The following EXOC6B variants were observed in gnomAD, a reference collection of about 807,000 sequenced individuals.
EXOC6B encodes exocyst complex component 6B.
A neutral mutation model predicts 113.5 loss-of-function variants in EXOC6B; 54 were observed. The observed-to-expected ratio is 0.48, with a 90% CI of 0.38 to 0.60. The LOEUF is 0.60. Ranked by LOEUF, EXOC6B falls within the 20% of genes least tolerant of loss-of-function variation. The pLI is 0.00. For missense variants in EXOC6B, 797 were observed against 977.5 expected, an observed-to-expected ratio of 0.82 and a Z score of 2.46; for synonymous variants, 357 against 339.0, an observed-to-expected ratio of 1.05 and a Z score of -0.58.
At chr2:72,224,982 A>ATGTGTGTG (rs200553877) in intron 20 of EXOC6B, among the ~76,000 whole-genome samples, 2 of 137,082 alleles carry the variant, frequency 1.5e-5, no homozygotes, top group African/African-American at 2.6e-5. Flanking sequence ...CTCTCTCTGT[A>ATGTGTGTG]TGTGTGTGTG....
intron 20 of EXOC6B, among the ~76,000 whole-genome samples, chr2:72,206,628 A>G (rs1333585409): frequency 6.6e-6 from 1 of 152,206 alleles, no homozygotes; most frequent in Non-Finnish European, 1.5e-5. Context: ...CTCCCAGAAT[A>G]GAATGTCAAC....
chr2:72,354,162 T>A (rs1239979899), intron 19 of EXOC6B: 1 of 152,162 alleles, frequency 6.6e-6, no homozygotes, highest in Admixed American at 6.5e-5. Context: ...CTAAACAGTT[T>A]CAAAGAGCAA....
In EXOC6B at chr2:72,451,623, A is replaced by G. The variant is rs1573150328; in HGVS notation, c.1980+13537T>C. Among the ~76,000 whole-genome samples, 4 of 151,098 alleles carry G rather than the reference A, an allele frequency of 2.6e-5. No homozygotes were observed. The South Asian group carries it at 8.4e-4, about 32-fold the overall frequency. On this transcript the variant is annotated intron_variant, in intron 18 of 21. Coordinates refer to ENST00000272427, the MANE Select transcript of EXOC6B (RefSeq NM_015189.3). ...CATAATGCATTCAGGGATGTATTGC[A>G]GGGTAGAAAATTCACTTTTTGTCTT...
At chr2:72,491,685 A>C (rs1350494726) in intron 16 of EXOC6B, among the ~76,000 whole-genome samples, 2 of 152,140 alleles carry the variant, frequency 1.3e-5, no homozygotes, top group African/African-American at 4.8e-5. Context: ...TCGTTTGCCA[A>C]GGTACTACAT....
chr2:72,272,668 G>A (rs908865013), intron 20 of EXOC6B, among the ~76,000 whole-genome samples: 3 of 152,136 alleles, frequency 2.0e-5, no homozygotes, highest in African/African-American at 7.2e-5. Flanking sequence ...CTTAGTAACA[G>A]GAAAAGAACA....
At chr2:72,371,144 G>A (rs1003615643) in intron 19 of EXOC6B, among the ~76,000 whole-genome samples, 6 of 151,346 alleles carry the variant, frequency 4.0e-5, no homozygotes, top group Non-Finnish European at 8.8e-5. Flanking sequence ...AGAGTCATGA[G>A]GTCCCCATTT....
intron 19 of EXOC6B, among the ~76,000 whole-genome samples, chr2:72,344,578 C>G (rs1250964521): frequency 6.6e-6 from 1 of 152,088 alleles, no homozygotes; most frequent in Non-Finnish European, 1.5e-5. Context: ...TTCCCCTTCT[C>G]TAGGACTTGC....
chr2:72,442,717 A>C (rs1311401613), intron 18 of EXOC6B, among the ~76,000 whole-genome samples: 1 of 152,174 alleles, frequency 6.6e-6, no homozygotes, highest in Non-Finnish European at 1.5e-5. Context: ...AAAATTACAA[A>C]CCACTGCTCA....
intron 19 of EXOC6B, among the ~76,000 whole-genome samples, chr2:72,379,200 A>G (rs962757110): frequency 6.6e-6 from 1 of 152,214 alleles, no homozygotes; most frequent in Non-Finnish European, 1.5e-5. Context: ...GACATCACTG[A>G]GCAACTAAAC....
At chr2:72,368,879 C>T (rs1690813595) in intron 19 of EXOC6B, among the ~76,000 whole-genome samples, 3 of 152,258 alleles carry the variant, frequency 2.0e-5, no homozygotes, top group Non-Finnish European at 1.5e-5. Context: ...ATAATAAGAG[C>T]TATCTATGAC....
chr2:72,537,502 G>A lies in EXOC6B; in HGVS notation c.915+21951C>T, dbSNP rs560766471. Among the ~76,000 whole-genome samples the A allele has an allele frequency of 1.7e-4, 26 of 151,316 alleles. No individual in the cohort carries two copies. In the East Asian group the frequency reaches 3.1e-3, roughly 18 times the overall value. On this transcript the variant is annotated intron_variant, in intron 8 of 21. Coordinates refer to ENST00000272427, the MANE Select transcript of EXOC6B (RefSeq NM_015189.3). Reference sequence around the variant, plus strand: ...AACACCTGGCCAGGCATGGTGGCACGTGCCTATAGTCCCAACTACTCTGGA... The same window carrying A: ...AACACCTGGCCAGGCATGGTGGCACATGCCTATAGTCCCAACTACTCTGGA...
chr2:72,453,528 G>C (rs1697032303), intron 18 of EXOC6B, among the ~76,000 whole-genome samples: 1 of 151,892 alleles, frequency 6.6e-6, no homozygotes, highest in Non-Finnish European at 1.5e-5. Flanking sequence ...GCAATAATTT[G>C]TCTTATAAAA....
intron 1 of EXOC6B, among the ~76,000 whole-genome samples, chr2:72,762,024 T>A (rs901343572): frequency 6.6e-6 from 1 of 152,094 alleles, no homozygotes; most frequent in African/African-American, 2.4e-5. Flanking sequence ...GGCAGGCAGA[T>A]CACAAGGTCA....
At chr2:72,537,372 C>T (rs1702354025) in intron 8 of EXOC6B, among the ~76,000 whole-genome samples, 1 of 150,696 alleles carries the variant, frequency 6.6e-6, no homozygotes, top group Non-Finnish European at 1.5e-5. Context: ...GAGGCTGAGG[C>T]AGGTGGATCG....
At chr2:72,505,002 T>G (rs1700524037) in intron 11 of EXOC6B, among the ~76,000 whole-genome samples, 2 of 152,152 alleles carry the variant, frequency 1.3e-5, no homozygotes, top group African/African-American at 4.8e-5. Context: ...TCCAAATTAG[T>G]TCGTGCTGTT....
At chr2:72,531,312 T>A (rs1295209899) in intron 8 of EXOC6B, among the ~76,000 whole-genome samples, 1 of 152,204 alleles carries the variant, frequency 6.6e-6, no homozygotes, top group South Asian at 2.1e-4. Flanking sequence ...GTTTCCATTT[T>A]ACCAGTTCCA....
At chr2:72,358,721 A>G (rs1343020727) in intron 19 of EXOC6B, among the ~76,000 whole-genome samples, 1 of 152,180 alleles carries the variant, frequency 6.6e-6, no homozygotes, top group Non-Finnish European at 1.5e-5. Flanking sequence ...GGTGGTAAAT[A>G]TGGTTTTATA....
intron 20 of EXOC6B, among the ~76,000 whole-genome samples, chr2:72,294,355 G>A (rs188943374): frequency 2.6e-5 from 4 of 152,002 alleles, no homozygotes; most frequent in African/African-American, 9.6e-5. Flanking sequence ...AACAGAAGCA[G>A]ACCACCAAGA....
chr2:72,547,440 G>A (rs1702972988), intron 8 of EXOC6B, among the ~76,000 whole-genome samples: 1 of 152,062 alleles, frequency 6.6e-6, no homozygotes. Flanking sequence ...TTAAATCTAG[G>A]AATTTAAACT....
Sources: gnomAD v4.1 joint callset for allele counts (sites outside exome capture counted in the v4.1 genomes callset) on GRCh38, gnomAD v4.1.1 for gene constraint, MANE v1.5 for transcripts, NCBI Gene and HGNC (gene_info 2026-07-23, HGNC 2026-07-21) for gene names.